The following BMP6 variants were observed in gnomAD, a reference collection of about 807,000 sequenced individuals.
BMP6 encodes VG-1-R.
Under a neutral mutation model 54.1 loss-of-function variants are expected in BMP6, and 17 were observed. That is an observed-to-expected ratio of 0.31 (90% CI 0.22 to 0.47). The LOEUF is 0.47. BMP6 is among the 20% of genes least tolerant of loss of function. The pLI, the probability that BMP6 is intolerant of heterozygous loss-of-function variation, is 1.00. For missense variants in BMP6, 720 were observed against 690.4 expected, an observed-to-expected ratio of 1.04 and a Z score of -0.48; for synonymous variants, 328 against 291.2, an observed-to-expected ratio of 1.13 and a Z score of -1.28.
At chr6:7,770,637 C>T (rs1001999447) in intron 1 of BMP6, among the ~76,000 whole-genome samples, 8 of 152,192 alleles carry the variant, frequency 5.3e-5, no homozygotes, top group Non-Finnish European at 1.2e-4. Context: ...GCCCTAAAAG[C>T]GCTCCTTGTT....
chr6:7,843,322 T>A (rs1759006973), intron 1 of BMP6, among the ~76,000 whole-genome samples: 1 of 151,882 alleles, frequency 6.6e-6, no homozygotes, highest in South Asian at 2.1e-4. Flanking sequence ...TACATGGCAG[T>A]TTCAGAAATT....
At chr6:7,737,761 T>G (rs1761976493) in intron 1 of BMP6, among the ~76,000 whole-genome samples, 2 of 152,202 alleles carry the variant, frequency 1.3e-5, no homozygotes, top group Non-Finnish European at 2.9e-5. Context: ...CAGAGCAGAT[T>G]ATACACGTCC....
chr6:7,784,873 G>A (rs779001637), intron 1 of BMP6, among the ~76,000 whole-genome samples: 1 of 152,174 alleles, frequency 6.6e-6, no homozygotes, highest in African/African-American at 2.4e-5. Flanking sequence ...TCCTTGCTGG[G>A]GCTGCAGAGT....
At chr6:7,866,865 A>G (rs116060463) in intron 4 of BMP6, among the ~76,000 whole-genome samples, 2,311 of 152,006 alleles carry the variant, frequency 0.015, 57 homozygotes, top group African/African-American at 0.053. Context: ...ACCTATTAGC[A>G]TTTCTTTTTT....
chr6:7,771,279 C>T (rs557850832), intron 1 of BMP6, among the ~76,000 whole-genome samples: 28 of 152,298 alleles, frequency 1.8e-4, no homozygotes, highest in African/African-American at 6.3e-4. Context: ...GCTCCTTAAG[C>T]TGACTGCATT....
At chr6:7,803,465 C>T (rs1043420415) in intron 1 of BMP6, among the ~76,000 whole-genome samples, 2 of 152,148 alleles carry the variant, frequency 1.3e-5, no homozygotes, top group African/African-American at 4.8e-5. Context: ...TTGGCATCAG[C>T]TTGTCTTAAT....
chr6:7,819,838 A>G (rs1484278920), intron 1 of BMP6, among the ~76,000 whole-genome samples: 1 of 152,218 alleles, frequency 6.6e-6, no homozygotes, highest in African/African-American at 2.4e-5. Context: ...TATTTTTTCT[A>G]GCAGCATTAC....
intron 1 of BMP6, among the ~76,000 whole-genome samples, chr6:7,838,320 C>T (rs756887769): frequency 4.6e-5 from 7 of 152,144 alleles, no homozygotes; most frequent in Admixed American, 3.3e-4. Flanking sequence ...GCACTATTCA[C>T]GGTTTCAGGC....
intron 1 of BMP6, among the ~76,000 whole-genome samples, chr6:7,740,114 G>A (rs1421614184): frequency 2.0e-5 from 3 of 152,172 alleles, no homozygotes; most frequent in African/African-American, 7.2e-5. Flanking sequence ...GAGAGAACAT[G>A]TGGCCATAGG....
At chr6:7,746,951 G>T (rs1240486242) in intron 1 of BMP6, among the ~76,000 whole-genome samples, 2 of 152,190 alleles carry the variant, frequency 1.3e-5, no homozygotes, top group African/African-American at 4.8e-5. Context: ...TCCAGGTAGC[G>T]TGAGAGAGAG....
At chr6:7,836,851 A>G (rs1187801242) in intron 1 of BMP6, among the ~76,000 whole-genome samples, 1 of 152,260 alleles carries the variant, frequency 6.6e-6, no homozygotes, top group African/African-American at 2.4e-5. Context: ...TGCTTGCAAC[A>G]TGAAAGTCAA....
chr6:7,805,234 T>G (rs924986598), intron 1 of BMP6, among the ~76,000 whole-genome samples: 1 of 152,190 alleles, frequency 6.6e-6, no homozygotes, highest in Non-Finnish European at 1.5e-5. Context: ...TGCTCATCTT[T>G]CATCTTTTCA....
At chr6:7,782,267 G>C (rs566161929) in intron 1 of BMP6, among the ~76,000 whole-genome samples, 40 of 152,248 alleles carry the variant, frequency 2.6e-4, no homozygotes, top group African/African-American at 8.4e-4. Context: ...GATTGGTGGA[G>C]GGAGATTGTA....
rs2224564 is a variant in BMP6, at chr6:7,736,954, G to A, written c.664+9335G>A. Among the ~76,000 whole-genome samples the A allele has an allele frequency of 5.3e-5, 8 of 152,008 alleles. No homozygotes were observed. In the South Asian group the frequency reaches 1.7e-3, roughly 32 times the overall value. ...TGTAATCCCAGCACTTTGGGAGGCC[G>A]AGGACGGTGGATCACTTGAGGTCAG... On this transcript the variant is annotated intron_variant, in intron 1 of 6. Transcript: ENST00000283147.
At chr6:7,808,982 G>A (rs930086021) in intron 1 of BMP6, among the ~76,000 whole-genome samples, 3 of 149,622 alleles carry the variant, frequency 2.0e-5, no homozygotes, top group South Asian at 2.1e-4. Flanking sequence ...TCCGCTTCCC[G>A]TGAGCACTTC....
At position 7,813,126 on chromosome 6, in the gene BMP6, T is replaced by A. The variant is rs1406933480; in HGVS notation, c.665-32014T>A. The stretch of plus-strand genomic sequence containing the variant: ...AAAAAAAAATATATATATATATATA[T>A]ATATATATATATATATATATATAAA... On this transcript the variant is annotated intron_variant, in intron 1 of 6. Coordinates refer to ENST00000283147, the MANE Select transcript of BMP6 (RefSeq NM_001718.6). Among the ~76,000 whole-genome samples, 222 of 71,408 alleles carry A rather than the reference T, an allele frequency of 3.1e-3. 9 individuals carry two copies. Among genetic ancestry groups the A allele is most frequent in the East Asian group, 9.3e-3 (16 of 1,720 alleles). 46.8% of individuals were successfully genotyped at this position (71,408 alleles called of 152,430 possible). A position where few individuals can be genotyped will look rare whatever the true frequency, so the allele number is the denominator to read the frequency against.
At chr6:7,786,126 A>G (rs558311894) in intron 1 of BMP6, among the ~76,000 whole-genome samples, 4 of 152,354 alleles carry the variant, frequency 2.6e-5, no homozygotes, top group Middle Eastern at 6.8e-3. Context: ...TCCATCTGCA[A>G]TAAGGAAAGA....
chr6:7,727,102 C>A lies in BMP6; in HGVS notation c.147C>A (p.Ser49Arg). 7.1e-7 allele frequency: 1 copy of A among 1,404,946 alleles called. No individual in the cohort carries two copies. Among genetic ancestry groups the A allele is most frequent in the East Asian group, 3.1e-5 (1 of 32,640 alleles). The allele number at this position is 1,404,946 out of a possible 1,614,324, so 87.0% of individuals were successfully genotyped here. ...AGGQLLGDGG[S>R]PGRTEQPPPS... The stretch of plus-strand genomic sequence containing the variant: ...GGCAGCTGCTGGGGGACGGCGGGAG[C>A]CCCGGCCGCACGGAGCAGCCGCCGC... The change falls in exon 1 of 7, where the codon AGC becomes AGA. Residue 49 changes from serine (S) to arginine (R), a missense_variant. Coordinates refer to ENST00000283147, the MANE Select transcript of BMP6 (RefSeq NM_001718.6).
intron 1 of BMP6, among the ~76,000 whole-genome samples, chr6:7,826,042 C>T (rs1047987733): frequency 6.6e-6 from 1 of 152,220 alleles, no homozygotes; most frequent in Non-Finnish European, 1.5e-5. Context: ...AGCCAGAGGA[C>T]CCCTCATGGG....
Sources: gnomAD v4.1 joint callset for allele counts (sites outside exome capture counted in the v4.1 genomes callset) on GRCh38, gnomAD v4.1.1 for gene constraint, MANE v1.5 for transcripts, NCBI Gene and HGNC (gene_info 2026-07-23, HGNC 2026-07-21) for gene names.